The following ZBTB1 variants were observed in gnomAD, a reference collection of about 807,000 sequenced individuals.
ZBTB1 encodes the protein zinc finger and BTB domain containing 1, also known as zinc finger and BTB domain-containing protein 1.
In ZBTB1, 13 loss-of-function variants were observed where a neutral mutation model predicts 51.6. The ratio of observed to expected loss-of-function variants is 0.25; its 90% CI spans 0.16 to 0.40. The LOEUF (loss-of-function observed/expected upper bound fraction) is 0.40. ZBTB1 is among the 10% of genes least tolerant of loss of function. The pLI is 1.00. For synonymous variants in ZBTB1, 240 were observed against 282.2 expected, an observed-to-expected ratio of 0.85 and a Z score of 1.50; for missense variants, 567 against 856.5, an observed-to-expected ratio of 0.66 and a Z score of 4.22.
chr14:64,531,540 G>C (rs1678213678), intron 2 of ZBTB1, among the ~76,000 whole-genome samples: 1 of 152,092 alleles, frequency 6.6e-6, no homozygotes, highest in South Asian at 2.1e-4. Flanking sequence ...TTATTTGAAG[G>C]AAAACACTTC....
chr14:64,511,379 G>C (rs1039599923), intron 1 of ZBTB1: 4 of 152,184 alleles, frequency 2.6e-5, no homozygotes, highest in African/African-American at 9.7e-5. Context: ...TCTGCTTTCT[G>C]TGTGGGTAAG....
chr14:64,533,042 T>C lies in ZBTB1; in HGVS notation c.*1145T>C. On this transcript the variant is annotated 3_prime_UTR_variant, in exon 3 of 3. Transcript: ENST00000358738. Reference sequence around the variant, plus strand: ...ATTTTTATGACTATTTATTCCAATGTTTTAACAAGAAGCACAGAGATTTAT... The same window carrying C: ...ATTTTTATGACTATTTATTCCAATGCTTTAACAAGAAGCACAGAGATTTAT... 1.3e-5 allele frequency: 2 copies of C among 152,148 alleles called. 1 individual carries two copies. The highest frequency in any genetic ancestry group is 6.4e-3 in the Middle Eastern group (2 of 314). The allele number at this position is 152,148 out of a possible 1,614,324, so 9.4% of individuals were successfully genotyped here.
rs549027422 is a variant in ZBTB1 at position 64,505,706 on chromosome 14, T to C, written c.-19+760T>C. Among the ~76,000 whole-genome samples the C allele has an allele frequency of 4.6e-5, 7 of 152,288 alleles. No individual in the cohort carries two copies. In the South Asian group the frequency reaches 1.0e-3, roughly 23 times the overall value. On this transcript the variant is annotated intron_variant, in intron 1 of 1. Coordinates refer to ENST00000683701, the MANE Select transcript of ZBTB1 (RefSeq NM_001123329.2). Reference sequence around the variant, plus strand: ...GTGTACATGATCTGAAGGGTTGACATGACATTTTCTAAATTGGGCGAATCA... The same window carrying C: ...GTGTACATGATCTGAAGGGTTGACACGACATTTTCTAAATTGGGCGAATCA...
chr14:64,531,972 A>G, exon 3 of ZBTB1: 3 of 1,560,018 alleles, frequency 1.9e-6, no homozygotes, highest in Non-Finnish European at 2.6e-6. Flanking sequence ...ACCCAGGAAT[A>G]TCAGATCTGA....
chr14:64,524,554 A>AT lies in ZBTB1; in HGVS notation c.*914dup, dbSNP rs1361063109. ...AATATGACCTCTAAAGGAAAAGATG[A>AT]TTTTTTACAATACATACTTCTGGAA... On this transcript the variant is annotated 3_prime_UTR_variant, in exon 2 of 2. Coordinates refer to ENST00000683701, the MANE Select transcript of ZBTB1 (RefSeq NM_001123329.2). 2.0e-6 allele frequency: 2 copies of AT among 983,008 alleles called. No homozygotes were observed. The highest frequency in any genetic ancestry group is 2.4e-6 in the Non-Finnish European group (2 of 827,894). 60.9% of individuals were successfully genotyped at this position (983,008 alleles called of 1,614,324 possible).
At chr14:64,508,797 T>G (rs558631422) in intron 1 of ZBTB1, among the ~76,000 whole-genome samples, 1 of 152,298 alleles carries the variant, frequency 6.6e-6, no homozygotes, top group East Asian at 1.9e-4. Flanking sequence ...AAACAAAAAA[T>G]TGATAAGCAA....
intron 1 of ZBTB1, among the ~76,000 whole-genome samples, chr14:64,512,722 C>T (rs535721113): frequency 6.6e-5 from 10 of 152,118 alleles, no homozygotes; most frequent in South Asian, 4.1e-4. Context: ...TAAACTTGAT[C>T]GTGTTTGTCA....
intron 1 of ZBTB1, among the ~76,000 whole-genome samples, chr14:64,510,231 C>A (rs1487660048): frequency 2.6e-5 from 4 of 152,162 alleles, no homozygotes; most frequent in Non-Finnish European, 5.9e-5. Context: ...AATAATTCTT[C>A]AGAGGTAGAA....
chr14:64,525,335 G>C (rs1276446799), downstream of ZBTB1, among the ~76,000 whole-genome samples: 1 of 152,112 alleles, frequency 6.6e-6, no homozygotes, highest in African/African-American at 2.4e-5. Flanking sequence ...AAATTTAACA[G>C]CAAAAGCAGG....
chr14:64,532,025 C>A (rs1288977641), exon 3 of ZBTB1: 9 of 1,155,166 alleles, frequency 7.8e-6, no homozygotes, highest in Non-Finnish European at 2.4e-6. Flanking sequence ...CTTCCATCAA[C>A]CCAAAAAGTT....
upstream of ZBTB1, chr14:64,504,704 GC>G (rs2140052561): frequency 5.4e-6 from 2 of 368,236 alleles, no homozygotes; most frequent in Non-Finnish European, 9.7e-6. Context: ...ACCCGGAGTC[GC>G]CGCGTAAGCG....
intron 2 of ZBTB1, among the ~76,000 whole-genome samples, chr14:64,531,131 T>A (rs1272866529): frequency 6.6e-6 from 1 of 152,160 alleles, no homozygotes; most frequent in Non-Finnish European, 1.5e-5. Context: ...CTCCTTAAAC[T>A]AACTGCTCAT....
chr14:64,517,986 A>C (rs2079813575), intron 1 of ZBTB1, among the ~76,000 whole-genome samples: 1 of 151,422 alleles, frequency 6.6e-6, no homozygotes, highest in Non-Finnish European at 1.5e-5. Flanking sequence ...GGCATGTGCC[A>C]CCACGCCCGG....
chr14:64,530,877 T>TA (rs142902149), intron 2 of ZBTB1, among the ~76,000 whole-genome samples: 26,370 of 152,186 alleles, frequency 0.17, 2,615 homozygotes, highest in Non-Finnish European at 0.22. Flanking sequence ...AGATTACAAT[T>TA]AAATACTTGG....
chr14:64,519,664 G>T (rs1039789624), intron 1 of ZBTB1, among the ~76,000 whole-genome samples: 3 of 150,608 alleles, frequency 2.0e-5, no homozygotes, highest in Admixed American at 6.6e-5. Flanking sequence ...TACAGTCCCA[G>T]CTACTCTGGA....
chr14:64,522,230 T>G lies in ZBTB1; in HGVS notation c.726T>G (p.His242Gln). The G allele has an allele frequency of 6.2e-7, 1 of 1,614,224 alleles. No individual in the cohort carries two copies. Among genetic ancestry groups the G allele is most frequent in the Non-Finnish European group, 8.5e-7 (1 of 1,180,036 alleles). The change falls in exon 2 of 2, where the codon CAT (histidine) becomes CAG (glutamine). Residue 242 changes from histidine to glutamine, a missense_variant. By Grantham distance (24) the His-to-Gln change is conservative. Transcript: ENST00000683701. ...DEHVLTCTNR[H>Q]LYQNTRSYHR... Reference sequence around the variant, plus strand: ...ATGTGCTAACCTGTACTAACAGACATTTATACCAAAACACAAGATCTTACC... The same window carrying G: ...ATGTGCTAACCTGTACTAACAGACAGTTATACCAAAACACAAGATCTTACC...
Position 64,522,547 on chromosome 14 carries a change from C to G in ZBTB1, c.1043C>G (p.Thr348Ser). 1 of 1,613,598 alleles carries G rather than the reference C, an allele frequency of 6.2e-7. No homozygotes were observed. Among genetic ancestry groups the G allele is most frequent in the Non-Finnish European group, 8.5e-7 (1 of 1,179,880 alleles). Residue 348 changes from threonine to serine, a missense_variant, in exon 2 of 2, where the codon ACT becomes AGT. Thr to Ser is a moderately conservative substitution (Grantham distance 58, BLOSUM62 1). Coordinates refer to ENST00000683701, the MANE Select transcript of ZBTB1 (RefSeq NM_001123329.2). The part of the protein sequence containing the change: ...ELKDFNIIKV[T>S]DKDCNESTDN... ...AAAGACTTTAACATTATTAAAGTTA[C>G]TGATAAAGACTGTAATGAATCCACT...
rs938588076 is a variant in ZBTB1, at chr14:64,504,818, C to CCCGAGCG, written c.-136_-130dup. ...GCCAGAGCCTCTCCGCGCAGCCCAG[C>CCCGAGCG]CCGAGCGCCGAGCGCCGCGCGCCGC... On this transcript the variant is annotated 5_prime_UTR_variant, in exon 1 of 2. Transcript: ENST00000683701. 49 of 389,986 alleles carry CCCGAGCG rather than the reference C, an allele frequency of 1.3e-4. No homozygotes were observed. Among genetic ancestry groups the CCCGAGCG allele is most frequent in the African/African-American group, 3.9e-4 (19 of 48,170 alleles). 24.2% of individuals were successfully genotyped at this position (389,986 alleles called of 1,614,324 possible). A position where few individuals can be genotyped will look rare whatever the true frequency, so the allele number is the denominator to read the frequency against.
At chr14:64,515,296 C>G (rs2079768906) in intron 1 of ZBTB1, among the ~76,000 whole-genome samples, 2 of 152,014 alleles carry the variant, frequency 1.3e-5, no homozygotes, top group Non-Finnish European at 2.9e-5. Context: ...AGTGATGCAG[C>G]TAGTAGTACA....
Sources: allele counts gnomAD v4.1 joint callset (sites outside exome capture counted in the v4.1 genomes callset), GRCh38; gene constraint gnomAD v4.1.1; transcripts MANE v1.5; gene names NCBI Gene and HGNC (gene_info 2026-07-23, HGNC 2026-07-21).